Variants in OTULINL observed in about 807,000 individuals in gnomAD.
OTULINL encodes OTU deubiquitinase with linear linkage specificity like.
Under a neutral mutation model 43.9 loss-of-function variants are expected in OTULINL, and 42 were observed. The ratio of observed to expected loss-of-function variants is 0.96; its 90% CI spans 0.75 to 1.24. The LOEUF (loss-of-function observed/expected upper bound fraction) is 1.24. Ranked by LOEUF, OTULINL falls within the 50% of genes most tolerant of loss-of-function variation. The probability of loss-of-function intolerance (pLI) is 0.00; values close to 1 mark genes in which losing one functional copy is unlikely to be tolerated. For synonymous variants in OTULINL, 172 were observed against 153.6 expected (o/e 1.12, Z -0.88); for missense variants, 411 against 426.4 (o/e 0.96, Z 0.32).
At chr5:14,586,260 CTAAA>C (rs1339860086) in intron 1 of OTULINL, among the ~76,000 whole-genome samples, 1 of 152,184 alleles carries the variant, frequency 6.6e-6, no homozygotes, top group Admixed American at 6.5e-5. Context: ...AATGGTGCTT[CTAAA>C]TAAATCAACA....
rs1759635237 is a variant in OTULINL, at chr5:14,614,501, T to C, written c.*4187T>C. 3 of 397,886 alleles carry C rather than the reference T, an allele frequency of 7.5e-6. No individual in the cohort carries two copies. Among genetic ancestry groups the C allele is most frequent in the Middle Eastern group, 6.2e-4 (1 of 1,610 alleles). The allele number at this position is 397,886 out of a possible 1,614,324, so 24.6% of individuals were successfully genotyped here. ...AATAGTGGATCTTTGCTTAATTCAC[T>C]TCTGTTTTAATCCCATCATATTCCT... On this transcript the variant is annotated 3_prime_UTR_variant, in exon 8 of 8. Transcript: ENST00000274217.
intron 1 of OTULINL, among the ~76,000 whole-genome samples, chr5:14,590,856 C>A (rs1029141657): frequency 2.0e-5 from 3 of 152,124 alleles, no homozygotes; most frequent in African/African-American, 7.2e-5. Flanking sequence ...ACATCAGGGG[C>A]TAGCAGGATG....
chr5:14,606,829 T>A (rs1759488933), intron 5 of OTULINL, among the ~76,000 whole-genome samples: 1 of 152,224 alleles, frequency 6.6e-6, no homozygotes, highest in Admixed American at 6.5e-5. Context: ...TTTCATCACT[T>A]GTGAAATTGT....
At chr5:14,583,306 T>A (rs755325497) in intron 1 of OTULINL, among the ~76,000 whole-genome samples, 2 of 152,220 alleles carry the variant, frequency 1.3e-5, no homozygotes, top group Non-Finnish European at 2.9e-5. Context: ...CCTCCCACTC[T>A]CAAAAGTTTG....
intron 1 of OTULINL, among the ~76,000 whole-genome samples, chr5:14,596,835 G>C (rs963873705): frequency 6.6e-6 from 1 of 152,172 alleles, no homozygotes; most frequent in Non-Finnish European, 1.5e-5. Context: ...GGTGGAGGGC[G>C]TCACGTGGTG....
chr5:14,603,281 T>C (rs1002851070), intron 5 of OTULINL, among the ~76,000 whole-genome samples: 17 of 152,244 alleles, frequency 1.1e-4, no homozygotes, highest in African/African-American at 2.4e-5. Flanking sequence ...AAAGTGGTTA[T>C]AAATAGTCTC....
Position 14,610,368 on chromosome 5 carries a change from A to G in OTULINL, c.*54A>G, listed in dbSNP as rs1024128822. The stretch of plus-strand genomic sequence containing the variant: ...ACCAGTGACGGTGGTCACAGTTGCA[A>G]TAAAGTCTCTCTCTGAAACCAAAGC... On this transcript the variant is annotated 3_prime_UTR_variant, in exon 8 of 8. Transcript: ENST00000274217. The G allele has an allele frequency of 5.7e-6, 9 of 1,570,156 alleles. No homozygotes were observed. Among genetic ancestry groups the G allele is most frequent in the East Asian group, 2.3e-5 (1 of 44,444 alleles).
At chr5:14,582,042 C>CG in intron 1 of OTULINL, 84 bp downstream of exon 1, 1 of 1,015,034 alleles carries the variant, frequency 9.9e-7, no homozygotes, top group Non-Finnish European at 1.3e-6. Context: ...GCCAGGGACG[C>CG]GCCCTCCTCG....
chr5:14,592,384 T>A (rs1759219969), intron 1 of OTULINL, among the ~76,000 whole-genome samples: 1 of 152,198 alleles, frequency 6.6e-6, no homozygotes. Flanking sequence ...AAGGCAGTAA[T>A]GTACAGTGGT....
Position 14,602,249 on chromosome 5 carries a change from G to C in OTULINL, c.415G>C (p.Asp139His), listed in dbSNP as rs114672257. 6.3e-5 allele frequency: 102 copies of C among 1,613,582 alleles called. No individual in the cohort carries two copies. The East Asian group carries it at 2.2e-3, about 35-fold the overall frequency. Residue 139 changes from aspartate (D) to histidine (H), a missense_variant, in exon 5 of 8, where the codon GAT (aspartate) becomes CAT (histidine). Transcript: ENST00000274217. ...CVRQVRRDNY[D>H]ALRSVLFQIF... is the part of the protein sequence containing the mutation. ...TCGACAAGTAAGGAGAGATAACTAT[G>C]ATGCTCTCAGATCAGTGTTATTTCA...
At chr5:14,586,798 G>A (rs1354613918) in intron 1 of OTULINL, among the ~76,000 whole-genome samples, 2 of 152,030 alleles carry the variant, frequency 1.3e-5, no homozygotes, top group African/African-American at 4.8e-5. Context: ...TGATAATGTA[G>A]TTGGAAGTCA....
rs1370694054 is a variant in OTULINL at position 14,615,438 on chromosome 5, C to G, written c.*5124C>G. ...AACCCCAGGGCAAGGTGAGGAGAAG[C>G]AGCTGGTACAGACTGATGACGAAGG... On this transcript the variant is annotated 3_prime_UTR_variant, in exon 8 of 8. Transcript: ENST00000274217. 6.6e-6 allele frequency among the ~76,000 whole-genome samples: 1 copy of G among 152,106 alleles called. No individual in the cohort carries two copies. The highest frequency in any genetic ancestry group is 6.5e-5 in the Admixed American group (1 of 15,278).
At chr5:14,597,617 G>T (rs185254568) in intron 1 of OTULINL, among the ~76,000 whole-genome samples, 1 of 152,182 alleles carries the variant, frequency 6.6e-6, no homozygotes, top group African/African-American at 2.4e-5. Context: ...CTACTAAAAC[G>T]CATTTCTCCT....
At chr5:14,609,516 T>C (rs1759539592) in intron 7 of OTULINL, among the ~76,000 whole-genome samples, 1 of 152,190 alleles carries the variant, frequency 6.6e-6, no homozygotes, top group South Asian at 2.1e-4. Context: ...TAAAATGATA[T>C]AAAACTGATT....
At chr5:14,608,633 A>G in intron 6 of OTULINL, 115 bp from the exon 7 acceptor site, 1 of 867,688 alleles carries the variant, frequency 1.2e-6, no homozygotes, top group East Asian at 2.7e-5. Context: ...GAAGAGTTAA[A>G]GTTCCACTTT....
At position 14,592,739 on chromosome 5, in the gene OTULINL, C is replaced by T. The variant is rs569817885; in HGVS notation, c.65-8226C>T. ...TGGAAGAGGAATCAGACTGGTTCTT[C>T]ATAACCCCAAGCAATAGATTCCAGG... On this transcript the variant is annotated intron_variant, in intron 1 of 7. Transcript: ENST00000274217. 3.9e-5 allele frequency among the ~76,000 whole-genome samples: 6 copies of T among 152,286 alleles called. No individual in the cohort carries two copies. In the South Asian group the frequency reaches 6.2e-4, roughly 16 times the overall value.
At chr5:14,600,591 G>A (rs1007239689) in intron 1 of OTULINL, among the ~76,000 whole-genome samples, 2 of 152,198 alleles carry the variant, frequency 1.3e-5, no homozygotes, top group Non-Finnish European at 2.9e-5. Flanking sequence ...CCAAGTCAGT[G>A]TTTTCACACT....
chr5:14,604,330 T>C (rs1739672758), intron 5 of OTULINL, among the ~76,000 whole-genome samples: 1 of 152,128 alleles, frequency 6.6e-6, no homozygotes, highest in African/African-American at 2.4e-5. Context: ...TGTGTATTAG[T>C]CTGTTTTCAT....
In OTULINL at chr5:14,610,390, A is replaced by C. The variant is rs564122978; in HGVS notation, c.*76A>C. The C allele has an allele frequency of 2.0e-6, 3 of 1,473,790 alleles. No homozygotes were observed. In the South Asian group the frequency reaches 3.5e-5, roughly 17 times the overall value. The allele number at this position is 1,473,790 out of a possible 1,614,324, so 91.3% of individuals were successfully genotyped here. A position where few individuals can be genotyped will look rare whatever the true frequency, so the allele number is the denominator to read the frequency against. ...GCAATAAAGTCTCTCTCTGAAACCA[A>C]AGCTAGCATTTCAGCATGGAAGGAA... On this transcript the variant is annotated 3_prime_UTR_variant, in exon 8 of 8. Transcript: ENST00000274217.
Sources: gnomAD v4.1 joint callset for allele counts (sites outside exome capture counted in the v4.1 genomes callset) on GRCh38, gnomAD v4.1.1 for gene constraint, MANE v1.5 for transcripts, NCBI Gene and HGNC (gene_info 2026-07-23, HGNC 2026-07-21) for gene names.